FGF14: variants seen among roughly 807,000 people sequenced by gnomAD.
The protein encoded by FGF14 is fibroblast growth factor 14, also known as fibroblast growth factor homologous factor 4.
In FGF14, 5 loss-of-function variants were observed where a neutral mutation model predicts 25.5. The observed-to-expected ratio is 0.20, with a 90% CI of 0.10 to 0.41. The LOEUF (loss-of-function observed/expected upper bound fraction) is 0.41, where lower values mean the gene tolerates loss of function less well. FGF14 is among the 10% of genes least tolerant of loss of function. The pLI, the probability that FGF14 is intolerant of heterozygous loss-of-function variation, is 1.00. For synonymous variants in FGF14, 138 were observed against 118.3 expected, an observed-to-expected ratio of 1.17 and a Z score of -1.08; for missense variants, 222 against 320.1, an observed-to-expected ratio of 0.69 and a Z score of 2.34.
chr13:101,766,515 A>C (rs887982941), intron 3 of FGF14, among the ~76,000 whole-genome samples: 6 of 152,194 alleles, frequency 3.9e-5, no homozygotes, highest in Admixed American at 6.5e-5. Context: ...CAAAATAGAC[A>C]CAGAAGATAT....
chr13:101,845,037 G>C (rs1427142668), intron 3 of FGF14, among the ~76,000 whole-genome samples: 1 of 151,914 alleles, frequency 6.6e-6, no homozygotes, highest in Non-Finnish European at 1.5e-5. Context: ...AGCCTGGAAG[G>C]ACTTGTCCTA....
At chr13:102,352,711 C>T (rs913835971) in intron 1 of FGF14, among the ~76,000 whole-genome samples, 2 of 150,842 alleles carry the variant, frequency 1.3e-5, no homozygotes, top group Non-Finnish European at 2.9e-5. Flanking sequence ...ACTCGGGAGG[C>T]TGAGGCAGGA....
intron 1 of FGF14, among the ~76,000 whole-genome samples, chr13:102,083,355 C>A (rs1206611296): frequency 2.0e-5 from 3 of 152,078 alleles, no homozygotes; most frequent in African/African-American, 7.2e-5. Context: ...TTTCTTCTTG[C>A]CCAGATTTCT....
intron 1 of FGF14, among the ~76,000 whole-genome samples, chr13:102,052,459 T>G (rs931244638): frequency 1.3e-5 from 2 of 151,978 alleles, no homozygotes; most frequent in African/African-American, 4.8e-5. Flanking sequence ...AAAATTGGAT[T>G]TCTGAAAATT....
At chr13:101,963,509 C>T (rs866064773) in intron 1 of FGF14, among the ~76,000 whole-genome samples, 1 of 152,188 alleles carries the variant, frequency 6.6e-6, no homozygotes, top group Non-Finnish European at 1.5e-5. Flanking sequence ...TAACTGTGCC[C>T]CACTCTGCCG....
chr13:102,140,076 G>A (rs1337503160), intron 1 of FGF14, among the ~76,000 whole-genome samples: 31 of 133,418 alleles, frequency 2.3e-4, no homozygotes, highest in Non-Finnish European at 3.4e-4. Flanking sequence ...TAAGTCATCC[G>A]TGTTTGGTGC....
chr13:102,188,984 G>C (rs1415566860), intron 1 of FGF14, among the ~76,000 whole-genome samples: 1 of 62,402 alleles, frequency 1.6e-5, no homozygotes, highest in African/African-American at 7.7e-5. Context: ...AAGAAAGAAA[G>C]AAAGAAAGAA....
intron 1 of FGF14, among the ~76,000 whole-genome samples, chr13:102,129,506 T>C (rs1166556904): frequency 2.0e-5 from 3 of 151,946 alleles, no homozygotes; most frequent in South Asian, 4.1e-4. Flanking sequence ...TTGGAAGAGA[T>C]TTCTGTCTCT....
intron 3 of FGF14, among the ~76,000 whole-genome samples, chr13:101,824,311 CTTATAT>C (rs2042299852): frequency 6.6e-6 from 1 of 152,026 alleles, no homozygotes; most frequent in African/African-American, 2.4e-5. Context: ...ATATGATGGG[CTTATAT>C]TTACTTTGTG....
At chr13:101,931,496 C>T (rs1235795561) in intron 1 of FGF14, among the ~76,000 whole-genome samples, 1 of 152,190 alleles carries the variant, frequency 6.6e-6, no homozygotes, top group Non-Finnish European at 1.5e-5. Context: ...AACCTTAGGA[C>T]TGGATGCTCC....
At chr13:101,748,024 T>G (rs1269999338) in intron 3 of FGF14, among the ~76,000 whole-genome samples, 1 of 151,950 alleles carries the variant, frequency 6.6e-6, no homozygotes, top group Non-Finnish European at 1.5e-5. Context: ...GGTGGGGATT[T>G]AACTTAGTAC....
At chr13:102,136,856 C>A (rs1340089911) in intron 1 of FGF14, among the ~76,000 whole-genome samples, 1 of 152,122 alleles carries the variant, frequency 6.6e-6, no homozygotes, top group Non-Finnish European at 1.5e-5. Context: ...AAAAAGAAAA[C>A]AATGATCCAG....
At chr13:102,261,562 C>T (rs901028503) in intron 1 of FGF14, among the ~76,000 whole-genome samples, 4 of 152,072 alleles carry the variant, frequency 2.6e-5, no homozygotes, top group South Asian at 2.1e-4. Flanking sequence ...TTTCCCAAAC[C>T]GGGGAAGGAA....
At chr13:101,814,660 T>C (rs1264567035) in intron 3 of FGF14, among the ~76,000 whole-genome samples, 1 of 152,224 alleles carries the variant, frequency 6.6e-6, no homozygotes, top group Non-Finnish European at 1.5e-5. Flanking sequence ...TTCATATAAA[T>C]GGAATCATAT....
chr13:102,048,369 G>T (rs539239710), intron 1 of FGF14, among the ~76,000 whole-genome samples: 3 of 152,268 alleles, frequency 2.0e-5, no homozygotes, highest in African/African-American at 7.2e-5. Context: ...TGAAGAGTTT[G>T]CAGAGTGCCT....
At chr13:102,313,326 C>A (rs967356367) in intron 1 of FGF14, among the ~76,000 whole-genome samples, 24 of 152,190 alleles carry the variant, frequency 1.6e-4, no homozygotes, top group African/African-American at 5.6e-4. Context: ...GTCTCTTCAT[C>A]AATTACAACA....
chr13:102,160,981 G>A (rs1353427076), intron 1 of FGF14, among the ~76,000 whole-genome samples: 2 of 152,064 alleles, frequency 1.3e-5, no homozygotes, highest in Non-Finnish European at 2.9e-5. Flanking sequence ...CAAGTCATGC[G>A]TGCATTTCTG....
intron 1 of FGF14, chr13:101,967,714 A>G (rs1263470724): frequency 1.9e-5 from 3 of 154,318 alleles, no homozygotes; most frequent in African/African-American, 7.2e-5. Flanking sequence ...AGTCTCCTGG[A>G]GGTGGTAAAA....
chr13:102,258,837 C>T (rs1327920851), intron 1 of FGF14, among the ~76,000 whole-genome samples: 1 of 152,178 alleles, frequency 6.6e-6, no homozygotes, highest in Non-Finnish European at 1.5e-5. Context: ...GGGACAAATA[C>T]TATTCAAGTA....
Sources: gnomAD v4.1 joint callset for allele counts (sites outside exome capture counted in the v4.1 genomes callset) on GRCh38, gnomAD v4.1.1 for gene constraint, MANE v1.5 for transcripts, NCBI Gene and HGNC (gene_info 2026-07-23, HGNC 2026-07-21) for gene names.